Variants in WDR31 observed in about 807,000 individuals in gnomAD.
WDR31 encodes WD repeat-containing protein 31.
A neutral mutation model predicts 47.3 loss-of-function variants in WDR31; 30 were observed. That is an observed-to-expected ratio of 0.63 (90% CI 0.47 to 0.86). WDR31 has a LOEUF of 0.86. WDR31 is among the 40% of genes least tolerant of loss of function. The pLI is 0.00. For missense variants in WDR31, 406 were observed against 442.9 expected, an observed-to-expected ratio of 0.92 and a Z score of 0.75; for synonymous variants, 137 against 159.4, an observed-to-expected ratio of 0.86 and a Z score of 1.06.
At position 113,322,197 on chromosome 9, in the gene WDR31, A is replaced by G. The variant is rs752879955; in HGVS notation, c.570+614T>C. Among the ~76,000 whole-genome samples, 14 of 151,952 alleles carry G rather than the reference A, an allele frequency of 9.2e-5. No homozygotes were observed. In the Middle Eastern group the frequency reaches 0.01, roughly 111 times the overall value. The stretch of plus-strand genomic sequence containing the variant: ...TAGTATCTGAATTCATCCTCTGAAG[A>G]ACCTTAGCAGGTGATAGAATTCTCC... On this transcript the variant is annotated intron_variant, in intron 7 of 10. Transcript: ENST00000374193.
rs540416428 is a variant in WDR31, at chr9:113,313,240, T to G, written c.*3509A>C. 2.0e-5 allele frequency: 3 copies of G among 152,242 alleles called. No individual in the cohort carries two copies. The highest frequency in any genetic ancestry group is 2.9e-5 in the Non-Finnish European group (2 of 68,046). The allele number at this position is 152,242 out of a possible 1,614,324, so 9.4% of individuals were successfully genotyped here. On this transcript the variant is annotated 3_prime_UTR_variant, in exon 11 of 11. Coordinates refer to ENST00000374193, the MANE Select transcript of WDR31 (RefSeq NM_001012361.4). Reference sequence around the variant, plus strand: ...GCACATGTACAGTTTATGGAAACAATTTTATTGGTAACAGAACCCTACTAA... The same window carrying G: ...GCACATGTACAGTTTATGGAAACAAGTTTATTGGTAACAGAACCCTACTAA...
chr9:113,326,335 A>C (rs950058169), intron 5 of WDR31, among the ~76,000 whole-genome samples: 3 of 152,162 alleles, frequency 2.0e-5, no homozygotes, highest in Non-Finnish European at 4.4e-5. Flanking sequence ...CTCTCCGCAC[A>C]TACAGATTCT....
At position 113,315,004 on chromosome 9, in the gene WDR31, G is replaced by A. The variant is rs1234684058; in HGVS notation, c.*1745C>T. ...TGAAACCCACGTTATAAAGTGAAGA[G>A]GAAACAGATTTTATAACTTGCCCAA... is the stretch of plus-strand genomic sequence containing the variant. On this transcript the variant is annotated 3_prime_UTR_variant, in exon 11 of 11. Transcript: ENST00000374193. 6.6e-6 allele frequency: 1 copy of A among 152,190 alleles called. No individual in the cohort carries two copies. The highest frequency in any genetic ancestry group is 2.4e-5 in the African/African-American group (1 of 41,440). The allele number at this position is 152,190 out of a possible 1,614,324, so 9.4% of individuals were successfully genotyped here.
chr9:113,326,323 C>T (rs1207358589), intron 5 of WDR31, among the ~76,000 whole-genome samples: 2 of 152,224 alleles, frequency 1.3e-5, no homozygotes, highest in Non-Finnish European at 2.9e-5. Context: ...ACATGAACAA[C>T]ACTCTCCGCA....
chr9:113,329,871 C>T (rs1478943700), intron 4 of WDR31, among the ~76,000 whole-genome samples: 1 of 151,902 alleles, frequency 6.6e-6, no homozygotes, highest in African/African-American at 2.4e-5. Context: ...ATCCCAGCTA[C>T]TTGGGAAGCT....
chr9:113,330,212 A>G (rs1386094411), intron 4 of WDR31, among the ~76,000 whole-genome samples: 2 of 151,784 alleles, frequency 1.3e-5, no homozygotes, highest in African/African-American at 4.8e-5. Context: ...GCAATTCTTG[A>G]GCCTCAGCCT....
intron 1 of WDR31, among the ~76,000 whole-genome samples, chr9:113,336,940 A>T (rs1253247934): frequency 6.6e-6 from 1 of 152,236 alleles, no homozygotes; most frequent in East Asian, 1.9e-4. Context: ...TAACTAAGTA[A>T]ATCTCTTGAC....
At chr9:113,322,787 T>C (rs1306687565) in intron 7 of WDR31, 24 bp downstream of exon 7, 2 of 1,612,526 alleles carry the variant, frequency 1.2e-6, no homozygotes, top group East Asian at 2.2e-5. Context: ...GCTGCCCTGT[T>C]CTGTACCAAG....
intron 2 of WDR31, 143 bp downstream of exon 2, chr9:113,336,145 G>A (rs1042993547): frequency 6.6e-6 from 1 of 152,192 alleles, no homozygotes; most frequent in Non-Finnish European, 1.5e-5. Flanking sequence ...GCCATTCATA[G>A]ATCTAGGTCA....
In WDR31 at chr9:113,326,179, G is replaced by T. The variant is rs563313144; in HGVS notation, c.324+2702C>A. ...GCCCGCCTTGGCCTCCCAAAATGCT[G>T]GGATTACAGGCGTGAGCCACCGCAC... On this transcript the variant is annotated intron_variant, in intron 5 of 10. Transcript: ENST00000374193. 2.1e-4 allele frequency among the ~76,000 whole-genome samples: 32 copies of T among 152,286 alleles called. 2 individuals are homozygous for T. The Middle Eastern group carries it at 0.02, about 97-fold the overall frequency.
At chr9:113,321,345 C>T (rs1833322917) in intron 8 of WDR31, 166 bp downstream of exon 8, 2 of 644,396 alleles carry the variant, frequency 3.1e-6, no homozygotes, top group African/African-American at 1.8e-5. Context: ...CCTTAATGAT[C>T]CATGGGGCCA....
chr9:113,318,488 G>C lies in WDR31; in HGVS notation c.930C>G (p.Asn310Lys). The C allele has an allele frequency of 6.2e-7, 1 of 1,614,166 alleles. No individual in the cohort carries two copies. The highest frequency in any genetic ancestry group is 8.5e-7 in the Non-Finnish European group (1 of 1,180,024). Residue 310 changes from asparagine to lysine, a missense_variant, in exon 10 of 11, where the codon AAC (asparagine) becomes AAG (lysine). Transcript: ENST00000374193. ...SSHDCKVKIW[N>K]QDTGACLFTL... ...CAGGCTGCTTACCTCCAGTATCTTG[G>C]TTCCAAATCTTCACCTTGCAATCAT... is the stretch of plus-strand genomic sequence containing the variant.
rs945342388 is a variant in WDR31, at chr9:113,316,030, T to C, written c.*719A>G. 2 of 152,260 alleles carry C rather than the reference T, an allele frequency of 1.3e-5. No homozygotes were observed. Among genetic ancestry groups the C allele is most frequent in the African/African-American group, 4.8e-5 (2 of 41,474 alleles). The allele number at this position is 152,260 out of a possible 1,614,324, so 9.4% of individuals were successfully genotyped here. A position where few individuals can be genotyped will look rare whatever the true frequency, so the allele number is the denominator to read the frequency against. Reference sequence around the variant, plus strand: ...TTGAATTTCAATGTTTTCTTATCTGTAGAGCTGGTGTGCTAACTCCTGTAA... The same window carrying C: ...TTGAATTTCAATGTTTTCTTATCTGCAGAGCTGGTGTGCTAACTCCTGTAA... On this transcript the variant is annotated 3_prime_UTR_variant, in exon 11 of 11. Coordinates refer to ENST00000374193, the MANE Select transcript of WDR31 (RefSeq NM_001012361.4).
intron 4 of WDR31, among the ~76,000 whole-genome samples, 159 bp downstream of exon 4, chr9:113,330,825 T>C (rs1833579175): frequency 6.6e-6 from 1 of 152,150 alleles, no homozygotes; most frequent in African/African-American, 2.4e-5. Context: ...GAATGGGAAG[T>C]GGCCAAGCAG....
intron 10 of WDR31, 82 bp from the exon 11 acceptor site, chr9:113,316,991 A>C (rs2296076): frequency 0.072 from 106,013 of 1,481,024 alleles, 4,941 homozygotes; most frequent in South Asian, 0.15. Context: ...AATGCAAGGA[A>C]ATAAAGCATT....
rs79940676 is a variant in WDR31, at chr9:113,318,312, G to A, written c.943+163C>T. ...ATGAGTCTATACAACATGGTACCAG[G>A]GGATACAGGGGATAGCATCTTGACA... On this transcript the variant is annotated intron_variant, in intron 10 of 10. Transcript: ENST00000374193. Among the ~76,000 whole-genome samples the A allele has an allele frequency of 3.7e-3, 562 of 152,304 alleles. 4 individuals are homozygous for A. The highest frequency in any genetic ancestry group is 0.013 in the African/African-American group (535 of 41,546).
chr9:113,320,627 C>T, intron 8 of WDR31, 129 bp from the exon 9 acceptor site: 1 of 1,198,222 alleles, frequency 8.3e-7, no homozygotes, highest in East Asian at 2.6e-5. Flanking sequence ...GCATGATTTA[C>T]CTAAAAACGG....
At chr9:113,335,819 A>G (rs975309936) in intron 2 of WDR31, among the ~76,000 whole-genome samples, 2 of 152,222 alleles carry the variant, frequency 1.3e-5, no homozygotes, top group African/African-American at 4.8e-5. Context: ...CTAGAAAATT[A>G]GGACACTATA....
Position 113,330,126 on chromosome 9 carries a change from A to G in WDR31, c.249+858T>C, listed in dbSNP as rs192044612. ...TTATTATTATTATTTTTTGAGACAGAGTCTTGCTCTGTCACCCAGGCTGGA... is the reference window on the plus strand; with the variant it reads ...TTATTATTATTATTTTTTGAGACAGGGTCTTGCTCTGTCACCCAGGCTGGA... On this transcript the variant is annotated intron_variant, in intron 4 of 10. Coordinates refer to ENST00000374193, the MANE Select transcript of WDR31 (RefSeq NM_001012361.4). Among the ~76,000 whole-genome samples, 111 of 152,232 alleles carry G rather than the reference A, an allele frequency of 7.3e-4. No homozygotes were observed. The East Asian group carries it at 0.02, about 27-fold the overall frequency.
Sources: allele counts gnomAD v4.1 joint callset (sites outside exome capture counted in the v4.1 genomes callset), GRCh38; gene constraint gnomAD v4.1.1; transcripts MANE v1.5; gene names NCBI Gene and HGNC (gene_info 2026-07-23, HGNC 2026-07-21).